The following CACNA1C variants were observed in gnomAD, a reference collection of about 807,000 sequenced individuals.
The protein encoded by CACNA1C is voltage-dependent L-type calcium channel subunit alpha-1C.
CACNA1C carries 30 observed loss-of-function variants against 229.0 expected under a neutral mutation model. The ratio of observed to expected loss-of-function variants is 0.13; its 90% CI spans 0.10 to 0.18. The LOEUF (loss-of-function observed/expected upper bound fraction) is 0.18, where lower values mean the gene tolerates loss of function less well. Ranked by LOEUF, CACNA1C falls within the 10% of genes least tolerant of loss-of-function variation. The pLI is 1.00. For missense variants in CACNA1C, 1,658 were observed against 2,845.0 expected, an observed-to-expected ratio of 0.58 and a Z score of 9.49; for synonymous variants, 1,114 against 1,132.5, an observed-to-expected ratio of 0.98 and a Z score of 0.33.
chr12:2,085,421 A>T lies in CACNA1C; in HGVS notation c.50-29803A>T, dbSNP rs572720496. On this transcript the variant is annotated intron_variant, in intron 1 of 46. Coordinates refer to ENST00000399655, the MANE Select transcript of CACNA1C (RefSeq NM_000719.7). ...GCAGAATGTTTTAATTTTTCAAAGT[A>T]AATGCACTATCTCCACGTCCTCTGA... Among the ~76,000 whole-genome samples the T allele has an allele frequency of 2.0e-5, 3 of 152,310 alleles. No homozygotes were observed. The South Asian group carries it at 6.2e-4, about 32-fold the overall frequency.
chr12:2,600,280 A>G (rs554357440), intron 21 of CACNA1C, among the ~76,000 whole-genome samples: 1 of 152,290 alleles, frequency 6.6e-6, no homozygotes, highest in Non-Finnish European at 1.5e-5. Context: ...TGCATCTTTT[A>G]TGTAATCTAC....
Position 2,689,909 on chromosome 12 carries a change from G to A in CACNA1C, c.6118-991G>A, listed in dbSNP as rs189628401. Reference sequence around the variant, plus strand: ...GAGTGCCAAAGAAAAACTAAGCAGGGCAAGGAGAGAATGAGTGGCGTGGGC... The same window carrying A: ...GAGTGCCAAAGAAAAACTAAGCAGGACAAGGAGAGAATGAGTGGCGTGGGC... On this transcript the variant is annotated intron_variant, in intron 46 of 46. Coordinates refer to ENST00000399655, the MANE Select transcript of CACNA1C (RefSeq NM_000719.7). This position sits in a 1 kb window ranked among gnomAD's most constrained non-coding sequence, Gnocchi z 4.2. 6.6e-6 allele frequency: 1 copy of A among 152,428 alleles called. No individual in the cohort carries two copies. The highest frequency in any genetic ancestry group is 2.4e-5 in the African/African-American group (1 of 41,546). 9.4% of individuals were successfully genotyped at this position (152,428 alleles called of 1,614,324 possible).
chr12:2,150,677 A>G (rs150409019), intron 3 of CACNA1C, among the ~76,000 whole-genome samples: 1,837 of 152,282 alleles, frequency 0.012, 17 homozygotes, highest in Non-Finnish European at 0.018. Flanking sequence ...TTGGCATGCA[A>G]TGAATACTTA....
At chr12:2,121,510 G>A (rs1445552084) in intron 3 of CACNA1C, among the ~76,000 whole-genome samples, 1 of 152,184 alleles carries the variant, frequency 6.6e-6, no homozygotes, top group Non-Finnish European at 1.5e-5. Context: ...TAGCAGGTAA[G>A]GTGTTCACCG....
At chr12:2,240,219 G>T (rs1334538412) in intron 3 of CACNA1C, among the ~76,000 whole-genome samples, 1 of 152,166 alleles carries the variant, frequency 6.6e-6, no homozygotes. Context: ...AACCTCGATT[G>T]TTTCCTGCTC....
chr12:2,457,687 G>T lies in CACNA1C; in HGVS notation c.738G>T (p.Arg246=). 6.3e-7 allele frequency: 1 copy of T among 1,598,570 alleles called. No individual in the cohort carries two copies. Among genetic ancestry groups the T allele is most frequent in the South Asian group, 1.1e-5 (1 of 89,150 alleles). The change falls in exon 5 of 47, where the codon CGG becomes CGT. Residue 246 remains arginine, a synonymous_variant. Transcript: ENST00000399655. ...LRAFRVLRPL[R]LVSGVPSLQV... ...CCTTCCGCGTGCTGCGCCCCCTGCG[G>T]CTGGTGTCCGGAGTCCCAAGTAAGT...
chr12:2,399,337 G>C (rs765864911), intron 3 of CACNA1C, among the ~76,000 whole-genome samples: 8 of 152,150 alleles, frequency 5.3e-5, no homozygotes, highest in Non-Finnish European at 1.0e-4. Flanking sequence ...CTGTCCTCTT[G>C]GTGCCTGGGT....
At chr12:2,106,294 T>G (rs12818685) in intron 1 of CACNA1C, among the ~76,000 whole-genome samples, 1,297 of 27,644 alleles carry the variant, frequency 0.047, 324 homozygotes, top group African/African-American at 0.12. Context: ...TTCTACCTCA[T>G]CTGGGGCGTC....
intron 3 of CACNA1C, among the ~76,000 whole-genome samples, chr12:2,124,455 G>T (rs2089017690): frequency 6.6e-6 from 1 of 152,180 alleles, no homozygotes; most frequent in Non-Finnish European, 1.5e-5. Context: ...AGGGGTGCTG[G>T]TTTTGAGGGG....
chr12:2,096,414 G>A (rs1432819836), intron 1 of CACNA1C, among the ~76,000 whole-genome samples: 1 of 152,144 alleles, frequency 6.6e-6, no homozygotes, highest in African/African-American at 2.4e-5. Context: ...CTGGCCTAAA[G>A]TCTATCCTCC....
chr12:2,113,044 T>C (rs1029884983), intron 1 of CACNA1C, among the ~76,000 whole-genome samples: 8 of 152,132 alleles, frequency 5.3e-5, no homozygotes, highest in African/African-American at 1.9e-4. Context: ...AACATCACAG[T>C]GTGTGGGGGA....
intron 3 of CACNA1C, among the ~76,000 whole-genome samples, chr12:2,355,211 A>G (rs2097325360): frequency 6.6e-6 from 1 of 152,148 alleles, no homozygotes; most frequent in Non-Finnish European, 1.5e-5. Context: ...CCAAGAGTGG[A>G]TTAAACTTTG....
intron 3 of CACNA1C, among the ~76,000 whole-genome samples, chr12:2,155,188 C>T (rs1011272997): frequency 1.3e-5 from 2 of 152,130 alleles, no homozygotes; most frequent in African/African-American, 4.8e-5. Flanking sequence ...GCGTGGAGAA[C>T]GTGGAGCGTG....
chr12:2,222,112 T>G (rs1356525572), intron 3 of CACNA1C: 1 of 152,360 alleles, frequency 6.6e-6, no homozygotes, highest in East Asian at 1.9e-4. Context: ...ATTCTCTATT[T>G]ATGATTCTTC....
intron 38 of CACNA1C, 118 bp downstream of exon 38, chr12:2,669,153 C>A (rs934282945): frequency 2.6e-6 from 2 of 769,356 alleles, no homozygotes; most frequent in African/African-American, 1.7e-5. Context: ...AGCATCCGAG[C>A]TGGGATACGG....
At chr12:2,313,630 G>C (rs2154487857) in intron 3 of CACNA1C, among the ~76,000 whole-genome samples, 1 of 152,298 alleles carries the variant, frequency 6.6e-6, no homozygotes, top group South Asian at 2.1e-4. Context: ...TTGGGGACTG[G>C]CTTTTCCTGA....
At chr12:2,191,596 TCACA>T (rs894322973) in intron 3 of CACNA1C, among the ~76,000 whole-genome samples, 13 of 151,708 alleles carry the variant, frequency 8.6e-5, no homozygotes, top group South Asian at 4.2e-4. Flanking sequence ...ACACATGCAC[TCACA>T]CACATGCGCT....
chr12:2,513,290 C>T (rs944110304), intron 9 of CACNA1C, among the ~76,000 whole-genome samples: 2 of 152,252 alleles, frequency 1.3e-5, no homozygotes, highest in Admixed American at 6.5e-5. Context: ...CCAGGTTCCA[C>T]CTCTTTGGGC....
chr12:2,684,921 G>T (rs1016058482), intron 43 of CACNA1C, among the ~76,000 whole-genome samples: 4 of 152,294 alleles, frequency 2.6e-5, no homozygotes, highest in African/African-American at 7.2e-5. Context: ...CAGAGGTGTG[G>T]GGTGGCACCA....
Sources: gnomAD v4.1 joint callset for allele counts (sites outside exome capture counted in the v4.1 genomes callset) on GRCh38, gnomAD v4.1.1 for gene constraint, Gnocchi (gnomAD v3.1) non-coding constraint, MANE v1.5 for transcripts, NCBI Gene and HGNC (gene_info 2026-07-23, HGNC 2026-07-21) for gene names.